ESRRG: variants seen among roughly 807,000 people sequenced by gnomAD.
ESRRG encodes the protein estrogen-related receptor gamma.
In ESRRG, 13 loss-of-function variants were observed where a neutral mutation model predicts 44.0. The ratio of observed to expected loss-of-function variants is 0.30; its 90% confidence interval spans 0.19 to 0.47. The LOEUF (loss-of-function observed/expected upper bound fraction) is 0.47, where lower values mean the gene tolerates loss of function less well. Ranked by LOEUF, ESRRG falls within the 20% of genes least tolerant of loss-of-function variation. ESRRG has a pLI of 1.00. For missense variants in ESRRG, 395 were observed against 580.6 expected, an observed-to-expected ratio of 0.68 and a Z score of 3.29; for synonymous variants, 215 against 214.6, an observed-to-expected ratio of 1.00 and a Z score of -0.02.
At chr1:216,682,487 A>G (rs1324402173) in intron 1 of ESRRG, among the ~76,000 whole-genome samples, 1 of 152,164 alleles carries the variant, frequency 6.6e-6, no homozygotes, top group Non-Finnish European at 1.5e-5. Flanking sequence ...TTTACATACA[A>G]ATACAGAGAT....
intron 2 of ESRRG, among the ~76,000 whole-genome samples, chr1:216,870,905 T>G (rs909830138): frequency 1.3e-5 from 2 of 152,008 alleles, no homozygotes; most frequent in African/African-American, 4.8e-5. Context: ...TGCCAGAAAT[T>G]TATCAATTGT....
chr1:216,796,698 C>A (rs1282875301), intron 2 of ESRRG, among the ~76,000 whole-genome samples: 1 of 152,048 alleles, frequency 6.6e-6, no homozygotes, highest in Non-Finnish European at 1.5e-5. Context: ...CTTCCATCTT[C>A]CTGAGCTCCT....
In ESRRG at chr1:216,883,397, A is replaced by G. The variant is rs61234785; in HGVS notation, c.-14+56185T>C. On this transcript the variant is annotated intron_variant, in intron 2 of 7. Coordinates refer to the ESRRG transcript ENST00000359162. ...CGAGACTTCTCTGAGAAAAAAAAAA[A>G]AAAAAAAAAAAAAAAAAGATACATT... Among the ~76,000 whole-genome samples, 1,075 of 109,410 alleles carry G rather than the reference A, an allele frequency of 9.8e-3. 8 individuals are homozygous for G. Among genetic ancestry groups the G allele is most frequent in the East Asian group, 0.082 (244 of 2,970 alleles). 71.8% of individuals were successfully genotyped at this position (109,410 alleles called of 152,430 possible). A position where few individuals can be genotyped will look rare whatever the true frequency, so the allele number is the denominator to read the frequency against.
intron 2 of ESRRG, among the ~76,000 whole-genome samples, chr1:216,780,122 A>T (rs2093874791): frequency 6.6e-6 from 1 of 151,748 alleles, no homozygotes; most frequent in Non-Finnish European, 1.5e-5. Flanking sequence ...TCATGCAAAG[A>T]AATTGTGGCT....
chr1:216,767,448 C>T (rs2093140317), intron 2 of ESRRG, among the ~76,000 whole-genome samples: 1 of 152,060 alleles, frequency 6.6e-6, no homozygotes, highest in South Asian at 2.1e-4. Flanking sequence ...GTTATGGTAA[C>T]AATGAGTTTA....
intron 1 of ESRRG, among the ~76,000 whole-genome samples, chr1:217,018,213 G>GT (rs35607685): frequency 0.15 from 22,302 of 151,616 alleles, 2,125 homozygotes; most frequent in East Asian, 0.21. Flanking sequence ...TACCTCAACT[G>GT]TTTTTTTTAA....
intron 1 of ESRRG, among the ~76,000 whole-genome samples, chr1:217,133,358 C>T (rs1016998786): frequency 6.6e-6 from 1 of 152,264 alleles, no homozygotes; most frequent in Non-Finnish European, 1.5e-5. Context: ...TGGCGCCTAG[C>T]GCCCCATCTT....
At chr1:216,694,708 C>A (rs886475808) in intron 1 of ESRRG, among the ~76,000 whole-genome samples, 1 of 151,928 alleles carries the variant, frequency 6.6e-6, no homozygotes, top group East Asian at 1.9e-4. Context: ...AGGTGCGTGC[C>A]ACCACACCTG....
At position 216,601,173 on chromosome 1, in the gene ESRRG, G is replaced by A. The variant is rs917830785; in HGVS notation, c.590-33075C>T. Among the ~76,000 whole-genome samples, 2 of 152,104 alleles carry A rather than the reference G, an allele frequency of 1.3e-5. 1 individual carries two copies. The highest frequency in any genetic ancestry group is 4.8e-5 in the African/African-American group (2 of 41,448). ...GCAGGCTGCCCCGGGCTCCCGGGCG[G>A]GCGCTCGGCCAGGGGCTCTGCTCGC... On this transcript the variant is annotated intron_variant, in intron 3 of 6. Transcript: ENST00000408911.
At chr1:216,858,113 GA>G (rs1249788867) in intron 2 of ESRRG, among the ~76,000 whole-genome samples, 5 of 152,122 alleles carry the variant, frequency 3.3e-5, no homozygotes, top group Admixed American at 2.6e-4. Context: ...AAAACTCTTT[GA>G]AAATTAAACC....
intron 1 of ESRRG, among the ~76,000 whole-genome samples, chr1:216,710,533 T>C (rs2083383095): frequency 6.6e-6 from 1 of 152,304 alleles, no homozygotes; most frequent in Non-Finnish European, 1.5e-5. Flanking sequence ...TTGGTAAAAT[T>C]GATGCAAATA....
At chr1:216,801,434 CT>C (rs376818051) in intron 2 of ESRRG, among the ~76,000 whole-genome samples, 46 of 152,290 alleles carry the variant, frequency 3.0e-4, no homozygotes, top group African/African-American at 8.4e-4. Flanking sequence ...CCCCTGCCCC[CT>C]GTCCCTGTTA....
At chr1:216,741,821 G>A (rs1576011654) in intron 2 of ESRRG, among the ~76,000 whole-genome samples, 1 of 152,094 alleles carries the variant, frequency 6.6e-6, no homozygotes, top group Non-Finnish European at 1.5e-5. Flanking sequence ...TCGTACATGG[G>A]TGCTTGGAAT....
intron 1 of ESRRG, among the ~76,000 whole-genome samples, chr1:217,026,898 C>CAGAG: frequency 1.1e-5 from 1 of 93,258 alleles, no homozygotes; most frequent in East Asian, 3.0e-4. Flanking sequence ...TACACACACA[C>CAGAG]ACACACACAC....
chr1:216,980,089 C>G (rs2073682859), intron 1 of ESRRG, among the ~76,000 whole-genome samples: 1 of 152,118 alleles, frequency 6.6e-6, no homozygotes, highest in South Asian at 2.1e-4. Flanking sequence ...AATCCCAATT[C>G]TTTTATTTCA....
intron 2 of ESRRG, among the ~76,000 whole-genome samples, chr1:216,747,100 C>T (rs1315213789): frequency 6.6e-6 from 1 of 152,126 alleles, no homozygotes; most frequent in African/African-American, 2.4e-5. Flanking sequence ...CACTTTAAAG[C>T]TTCCAAAAAT....
intron 2 of ESRRG, among the ~76,000 whole-genome samples, chr1:216,891,866 C>A (rs1306858926): frequency 7.2e-6 from 1 of 139,044 alleles, no homozygotes; most frequent in Non-Finnish European, 1.5e-5. Flanking sequence ...GTGGCACCAT[C>A]TCAGCTCCCC....
At chr1:216,859,670 C>T (rs758435728) in intron 2 of ESRRG, among the ~76,000 whole-genome samples, 3 of 152,118 alleles carry the variant, frequency 2.0e-5, no homozygotes, top group Admixed American at 6.6e-5. Flanking sequence ...ACTGACAGGT[C>T]TTTACTCAAA....
intron 1 of ESRRG, among the ~76,000 whole-genome samples, chr1:217,026,912 C>CACACACACACAGAGAGAGAGAGAG (rs1255637839): frequency 0.041 from 3,820 of 92,484 alleles, 103 homozygotes; most frequent in Non-Finnish European, 0.059. Flanking sequence ...CACACACACA[C>CACACACACACAGAGAGAGAGAGAG]AGAGAGAGAG....
Sources: allele counts gnomAD v4.1 joint callset (sites outside exome capture counted in the v4.1 genomes callset), GRCh38; gene constraint gnomAD v4.1.1; transcripts MANE v1.5; gene names NCBI Gene and HGNC (gene_info 2026-07-23, HGNC 2026-07-21).